NAALADL2: variants seen among roughly 807,000 people sequenced by gnomAD.
NAALADL2 encodes inactive N-acetylated-alpha-linked acidic dipeptidase-like protein 2.
Under a neutral mutation model 87.2 loss-of-function variants are expected in NAALADL2, and 76 were observed. The observed-to-expected ratio is 0.87, with a 90% CI of 0.72 to 1.05. The LOEUF is 1.05. NAALADL2 is among the 50% of genes least tolerant of loss of function. The pLI, the probability that NAALADL2 is intolerant of heterozygous loss-of-function variation, is 0.00. For synonymous variants in NAALADL2, 354 were observed against 331.0 expected, an observed-to-expected ratio of 1.07 and a Z score of -0.75; for missense variants, 1,089 against 945.8, an observed-to-expected ratio of 1.15 and a Z score of -1.99.
At chr3:175,580,073 G>A (rs55637371) in intron 10 of NAALADL2, among the ~76,000 whole-genome samples, 19,332 of 152,136 alleles carry the variant, frequency 0.13, 1,385 homozygotes, top group Middle Eastern at 0.17. Context: ...TAGCTTTTAT[G>A]TAGCAGGAGT....
chr3:175,386,073 G>A (rs1011219293), intron 5 of NAALADL2, among the ~76,000 whole-genome samples: 1 of 152,054 alleles, frequency 6.6e-6, no homozygotes, highest in Non-Finnish European at 1.5e-5. Flanking sequence ...TTTCTTGGTT[G>A]ATGGGATTAT....
chr3:174,983,867 G>C (rs9810908), intron 1 of NAALADL2, among the ~76,000 whole-genome samples: 11,389 of 152,054 alleles, frequency 0.075, 936 homozygotes, highest in African/African-American at 0.2. Flanking sequence ...CCCTGAGAAG[G>C]GTAGTTTCTT....
chr3:174,945,907 G>A (rs552246317), intron 1 of NAALADL2, among the ~76,000 whole-genome samples: 51 of 152,026 alleles, frequency 3.4e-4, no homozygotes, highest in African/African-American at 1.1e-3. Flanking sequence ...TTAGCCAGGT[G>A]TGGTGGCATG....
chr3:174,548,524 AAG>A (rs1246110491), intron 1 of NAALADL2, among the ~76,000 whole-genome samples: 1 of 152,184 alleles, frequency 6.6e-6, no homozygotes, highest in Non-Finnish European at 1.5e-5. Context: ...AAAATACAAA[AAG>A]CATATGGTCT....
intron 11 of NAALADL2, among the ~76,000 whole-genome samples, chr3:175,633,839 G>A (rs77798803): frequency 0.01 from 1,527 of 151,500 alleles, 30 homozygotes; most frequent in African/African-American, 0.033. Flanking sequence ...AGGAAGAGAT[G>A]GATATACGTT....
intron 11 of NAALADL2, among the ~76,000 whole-genome samples, chr3:175,683,272 G>T (rs995099915): frequency 1.3e-5 from 2 of 151,786 alleles, no homozygotes; most frequent in Non-Finnish European, 2.9e-5. Context: ...TTAGATTGTG[G>T]TTCAATTGTA....
chr3:175,039,445 C>T (rs947989290), intron 1 of NAALADL2, among the ~76,000 whole-genome samples: 3 of 152,136 alleles, frequency 2.0e-5, no homozygotes, highest in African/African-American at 7.2e-5. Context: ...TACACAATCC[C>T]TCCTCCTTTA....
At chr3:175,309,278 C>T (rs897732712) in intron 4 of NAALADL2, among the ~76,000 whole-genome samples, 6 of 152,000 alleles carry the variant, frequency 3.9e-5, no homozygotes, top group Admixed American at 6.6e-5. Context: ...CTCTACCTCC[C>T]GGGTTCAAGT....
intron 2 of NAALADL2, among the ~76,000 whole-genome samples, chr3:175,222,112 C>A (rs1743477124): frequency 6.6e-6 from 1 of 152,072 alleles, no homozygotes; most frequent in African/African-American, 2.4e-5. Context: ...TATCCCATGG[C>A]AAAGTCCAGA....
At chr3:175,682,755 A>G (rs560840925) in intron 11 of NAALADL2, among the ~76,000 whole-genome samples, 34 of 152,116 alleles carry the variant, frequency 2.2e-4, no homozygotes, top group African/African-American at 7.5e-4. Context: ...TCCTTGAACT[A>G]TAGGCATATG....
intron 1 of NAALADL2, among the ~76,000 whole-genome samples, chr3:174,443,602 A>T (rs1308987832): frequency 6.6e-6 from 1 of 152,218 alleles, no homozygotes. Context: ...ACTCTTCATC[A>T]TATAGCGGGT....
intron 5 of NAALADL2, among the ~76,000 whole-genome samples, chr3:175,438,704 G>A (rs888225513): frequency 6.6e-6 from 1 of 151,908 alleles, no homozygotes; most frequent in Non-Finnish European, 1.5e-5. Context: ...AAGTCACTTA[G>A]CTATTGTAAT....
At chr3:174,793,803 GTTTC>G (rs1367223512) in intron 3 of NAALADL2, among the ~76,000 whole-genome samples, 3 of 149,116 alleles carry the variant, frequency 2.0e-5, no homozygotes, top group South Asian at 4.2e-4. Flanking sequence ...TTAGTCCCCA[GTTTC>G]TTTTTTTTTT....
intron 2 of NAALADL2, among the ~76,000 whole-genome samples, chr3:174,603,999 G>A (rs549070306): frequency 5.3e-5 from 8 of 152,228 alleles, no homozygotes; most frequent in Non-Finnish European, 1.0e-4. Context: ...TATCCTTGAG[G>A]ATGGTCCAAG....
At chr3:174,900,434 T>G (rs1732169656) in intron 1 of NAALADL2, among the ~76,000 whole-genome samples, 1 of 152,046 alleles carries the variant, frequency 6.6e-6, no homozygotes, top group African/African-American at 2.4e-5. Flanking sequence ...TGGTGGTAGT[T>G]AGGATAAATG....
At chr3:174,706,610 TC>T (rs1730093264) in intron 2 of NAALADL2, among the ~76,000 whole-genome samples, 2 of 152,346 alleles carry the variant, frequency 1.3e-5, no homozygotes, top group Non-Finnish European at 2.9e-5. Flanking sequence ...GATGGTAGTT[TC>T]TTTTGCTGTG....
At chr3:175,200,222 C>G (rs1739821716) in intron 2 of NAALADL2, among the ~76,000 whole-genome samples, 1 of 151,938 alleles carries the variant, frequency 6.6e-6, no homozygotes, top group Non-Finnish European at 1.5e-5. Context: ...GGGTATGCCT[C>G]TAGTGGGCCA....
At chr3:175,498,080 C>A (rs1039696311) in intron 9 of NAALADL2, among the ~76,000 whole-genome samples, 9 of 151,954 alleles carry the variant, frequency 5.9e-5, no homozygotes, top group African/African-American at 2.2e-4. Context: ...CCCTTACCAG[C>A]TGAATTGATC....
intron 1 of NAALADL2, among the ~76,000 whole-genome samples, chr3:174,980,292 T>C (rs1450304918): frequency 3.3e-5 from 5 of 152,310 alleles, no homozygotes; most frequent in African/African-American, 1.2e-4. Flanking sequence ...GCCTCCCATA[T>C]TGGAGGCATT....
Sources: allele counts gnomAD v4.1 joint callset (sites outside exome capture counted in the v4.1 genomes callset), GRCh38; gene constraint gnomAD v4.1.1; transcripts MANE v1.5; gene names NCBI Gene and HGNC (gene_info 2026-07-23, HGNC 2026-07-21).